GAA: variants seen among roughly 807,000 people sequenced by gnomAD.
The protein encoded by GAA is lysosomal alpha-glucosidase.
GAA carries 88 observed loss-of-function variants against 103.9 expected under a neutral mutation model. That is an observed-to-expected ratio of 0.85 (90% CI 0.71 to 1.01). GAA has a LOEUF of 1.01. GAA is among the 50% of genes least tolerant of loss of function. GAA has a pLI of 0.00. For missense variants in GAA, 1,350 were observed against 1,305.3 expected, an observed-to-expected ratio of 1.03 and a Z score of -0.53; for synonymous variants, 572 against 563.1, an observed-to-expected ratio of 1.02 and a Z score of -0.22.
At chr17:80,112,806 C>T in intron 13 of GAA, 70 bp from the exon 14 acceptor site, 2 of 1,578,596 alleles carry the variant, frequency 1.3e-6, no homozygotes, top group Non-Finnish European at 1.7e-6. Context: ...GCAGGTGGGG[C>T]TCTGGGTCAC....
At position 80,119,045 on chromosome 17, in the gene GAA, C is replaced by T. The variant is rs9890469; in HGVS notation, c.2800-227C>T. Among the ~76,000 whole-genome samples, 98,437 of 152,100 alleles carry T rather than the reference C, an allele frequency of 0.65. 32,879 individuals carry two copies. The highest frequency in any genetic ancestry group is 0.85 in the Middle Eastern group (249 of 294). ...TCTGAGCCGTGTTGAAGCAGCACCG[C>T]GTTTCTGGCGTGCGTTAAGGTGACC... On this transcript the variant is annotated intron_variant, in intron 19 of 19. Transcript: ENST00000302262.
In GAA at chr17:80,107,789, G is replaced by A; in HGVS notation, c.859-11G>A. ...CGCAGGTGCTGAAGCGCCGTCTCCT[G>A]CATGTCCCAGCCCGGTGCGAACCTC... On this transcript the variant is annotated splice_polypyrimidine_tract_variant and intron_variant, in intron 4 of 19. Coordinates refer to ENST00000302262, the MANE Select transcript of GAA (RefSeq NM_000152.5). 1 of 1,610,344 alleles carries A rather than the reference G, an allele frequency of 6.2e-7. No individual in the cohort carries two copies. The highest frequency in any genetic ancestry group is 1.1e-5 in the South Asian group (1 of 90,914).
At chr17:80,111,204 G>A (rs1002356312) in intron 11 of GAA, among the ~76,000 whole-genome samples, 179 bp downstream of exon 11, 6 of 152,224 alleles carry the variant, frequency 3.9e-5, no homozygotes, top group Non-Finnish European at 8.8e-5. Context: ...GTGCAGACAG[G>A]GTGGGTGCAG....
Position 80,118,696 on chromosome 17 carries a change from C to A in GAA, c.2690C>A (p.Ala897Asp). 1 of 1,613,046 alleles carries A rather than the reference C, an allele frequency of 6.2e-7. No homozygotes were observed. The highest frequency in any genetic ancestry group is 8.5e-7 in the Non-Finnish European group (1 of 1,179,986). Residue 897 changes from alanine (A) to aspartate (D), a missense_variant, in exon 19 of 20, where the codon GCT becomes GAT. Physicochemically the swap from Ala to Asp is moderately radical, Grantham distance 126. Transcript: ENST00000302262. ...NELVRVTSEG[A>D]GLQLQKVTVL... ...CTGGTACGTGTGACCAGTGAGGGAG[C>A]TGGCCTGCAGCTGCAGAAGGTGACT...
Position 80,107,727 on chromosome 17 carries a change from A to AGCAGTGG in GAA, c.858+7_858+8insAGTGGGC, listed in dbSNP as rs3071247. 74 of 1,610,754 alleles carry AGCAGTGG rather than the reference A, an allele frequency of 4.6e-5. No homozygotes were observed. Among genetic ancestry groups the AGCAGTGG allele is most frequent in the Non-Finnish European group, 5.6e-5 (66 of 1,178,770 alleles). ...AACCGGGACCTTGCGCCCACGGTAC[A>AGCAGTGG]GCGGCGGGCGGCGGGCGGGGGCACT... On this transcript the variant is annotated splice_donor_region_variant and intron_variant, in intron 4 of 19. Transcript: ENST00000302262.
chr17:80,110,830 G>C lies in GAA; in HGVS notation c.1541G>C (p.Gly514Ala). ...TTCCATGACCAGGTGCCCTTCGACG[G>C]CATGTGGATTGTAAGTGTGGCCCCC... Reference protein sequence around the residue: ...AEFHDQVPFDGMWIDMNEPSN... With the variant: ...AEFHDQVPFDAMWIDMNEPSN... The change falls in exon 10 of 20, where the codon GGC (glycine) becomes GCC (alanine). Residue 514 changes from glycine (G) to alanine (A), a missense_variant. Physicochemically the swap from Gly to Ala is moderately conservative, Grantham distance 60. Coordinates refer to ENST00000302262, the MANE Select transcript of GAA (RefSeq NM_000152.5). 1 of 1,614,106 alleles carries C rather than the reference G, an allele frequency of 6.2e-7. No homozygotes were observed. Among genetic ancestry groups the C allele is most frequent in the Non-Finnish European group, 8.5e-7 (1 of 1,180,018 alleles).
chr17:80,112,837 T>G, intron 13 of GAA, 39 bp from the exon 14 acceptor site: 1 of 1,595,284 alleles, frequency 6.3e-7, no homozygotes, highest in Non-Finnish European at 8.5e-7. Context: ...CTGGCTCTGC[T>G]GCAGCAGCCT....
rs537769117 is a variant in GAA at position 80,119,743 on chromosome 17, G to A, written c.*412G>A. 14 of 254,290 alleles carry A rather than the reference G, an allele frequency of 5.5e-5. No homozygotes were observed. Among genetic ancestry groups the A allele is most frequent in the South Asian group, 3.3e-4 (7 of 21,144 alleles). 15.8% of individuals were successfully genotyped at this position (254,290 alleles called of 1,614,324 possible). A position where few individuals can be genotyped will look rare whatever the true frequency, so the allele number is the denominator to read the frequency against. On this transcript the variant is annotated 3_prime_UTR_variant, in exon 20 of 20. Transcript: ENST00000302262. ...CGCGCCTGCTGCTCTGCCCCAACGC[G>A]ACCGCTGCCCGGCTGCCCAGAGGGC...
intron 5 of GAA, 78 bp downstream of exon 5, chr17:80,107,974 G>C (rs1020601610): frequency 2.2e-6 from 3 of 1,359,042 alleles, no homozygotes; most frequent in Non-Finnish European, 3.1e-6. Context: ...GTCCGCATGA[G>C]GGGCCCTGGG....
Position 80,115,221 on chromosome 17 carries a change from C to T in GAA, c.2190-1747C>T, listed in dbSNP as rs73438111. Among the ~76,000 whole-genome samples, 147 of 152,286 alleles carry T rather than the reference C, an allele frequency of 9.7e-4. 1 individual carries two copies. The highest frequency in any genetic ancestry group is 3.1e-3 in the African/African-American group (130 of 41,558). Reference sequence around the variant, plus strand: ...CCGTTCCACACATTGGTATGCTTGACGGTGCCCAGGGGTCTTTGCAGCTCT... The same window carrying T: ...CCGTTCCACACATTGGTATGCTTGATGGTGCCCAGGGGTCTTTGCAGCTCT... On this transcript the variant is annotated intron_variant, in intron 15 of 19. Coordinates refer to ENST00000302262, the MANE Select transcript of GAA (RefSeq NM_000152.5).
In GAA at chr17:80,110,037, C is replaced by G. The variant is rs2039194814; in HGVS notation, c.1419C>G (p.Gly473=). Residue 473 remains glycine, a synonymous_variant, in exon 9 of 20, where the codon GGC becomes GGG. Coordinates refer to ENST00000302262, the MANE Select transcript of GAA (RefSeq NM_000152.5). ...GGGTTTTCATCACCAACGAGACCGG[C>G]CAGCCGCTGATTGGGAAGGTAGGGC... ...RRGVFITNET[G]QPLIGKVWPG... is the part of the protein sequence containing the mutation. 6.2e-7 allele frequency: 1 copy of G among 1,613,084 alleles called. No individual in the cohort carries two copies. The highest frequency in any genetic ancestry group is 1.7e-5 in the Admixed American group (1 of 59,996).
In GAA at chr17:80,116,083, G is replaced by C. The variant is rs140782570; in HGVS notation, c.2190-885G>C. Among the ~76,000 whole-genome samples the C allele has an allele frequency of 4.1e-4, 63 of 152,326 alleles. No homozygotes were observed. In the East Asian group the frequency reaches 0.012, roughly 28 times the overall value. ...CTGTTTTCACAGAGGAGAGGATCTT[G>C]AGAGGGGCTTACTCCACCATCTTCA... On this transcript the variant is annotated intron_variant, in intron 15 of 19. Coordinates refer to ENST00000302262, the MANE Select transcript of GAA (RefSeq NM_000152.5).
At chr17:80,112,187 A>G in intron 12 of GAA, 87 bp downstream of exon 12, 2 of 1,365,508 alleles carry the variant, frequency 1.5e-6, no homozygotes, top group Non-Finnish European at 2.1e-6. Flanking sequence ...AGGGAGGAGG[A>G]AAAGCGGAGG....
At position 80,108,338 on chromosome 17, in the gene GAA, G is replaced by A. The variant is rs730880022; in HGVS notation, c.1004G>A (p.Gly335Glu). Residue 335 changes from glycine to glutamate, a missense_variant, in exon 6 of 20, where the codon GGG becomes GAG. Gly to Glu is a moderately conservative substitution (Grantham distance 98). Transcript: ENST00000302262. ...GCCCTTAGCTGGAGGTCGACAGGTG[G>A]GATCCTGGATGTCTACATCTTCCTG... The part of the protein sequence containing the change: ...SPALSWRSTG[G>E]ILDVYIFLGP... 1.2e-6 allele frequency: 2 copies of A among 1,613,732 alleles called. No homozygotes were observed. Among genetic ancestry groups the A allele is most frequent in the Non-Finnish European group, 1.7e-6 (2 of 1,180,038 alleles).
At position 80,107,668 on chromosome 17, in the gene GAA, G is replaced by T. The variant is rs1185610552; in HGVS notation, c.804G>T (p.Met268Ile). The change falls in exon 4 of 20, where the codon ATG becomes ATT. Residue 268 changes from methionine (M) to isoleucine (I), a missense_variant. Physicochemically the swap from Met to Ile is conservative, Grantham distance 10. Transcript: ENST00000302262. Reference sequence around the variant, plus strand: ...TCGCCGAGCACCTCAGTCCCCTGATGCTCAGCACCAGCTGGACCAGGATCA... The same window carrying T: ...TCGCCGAGCACCTCAGTCCCCTGATTCTCAGCACCAGCTGGACCAGGATCA... ...TGLAEHLSPL[M>I]LSTSWTRITL... The T allele has an allele frequency of 6.2e-7, 1 of 1,613,052 alleles. No homozygotes were observed. The highest frequency in any genetic ancestry group is 8.5e-7 in the Non-Finnish European group (1 of 1,179,890).
intron 9 of GAA, 42 bp downstream of exon 9, chr17:80,110,097 C>T: frequency 6.6e-7 from 1 of 1,520,072 alleles, no homozygotes; most frequent in Non-Finnish European, 9.1e-7. Flanking sequence ...AAAGCAGAGG[C>T]CTCCAGCCAG....
intron 3 of GAA, among the ~76,000 whole-genome samples, chr17:80,106,208 G>A (rs1052604642): frequency 7.9e-5 from 12 of 152,180 alleles, no homozygotes; most frequent in South Asian, 2.1e-4. Context: ...TCGGAAATGC[G>A]TTTTTCTTTT....
chr17:80,112,958 G>A lies in GAA; in HGVS notation c.1971G>A (p.Leu657=). The change falls in exon 14 of 20, where the codon CTG becomes CTA. Residue 657 remains leucine, a synonymous_variant. Transcript: ENST00000302262. ...CGFLGNTSEE[L]CVRWTQLGAF... The stretch of plus-strand genomic sequence containing the variant: ...TCCTGGGCAACACCTCAGAGGAGCT[G>A]TGTGTGCGCTGGACCCAGCTGGGGG... 1.2e-6 allele frequency: 2 copies of A among 1,610,620 alleles called. No individual in the cohort carries two copies. The highest frequency in any genetic ancestry group is 1.7e-6 in the Non-Finnish European group (2 of 1,179,048).
chr17:80,108,654 G>C lies in GAA; in HGVS notation c.1195-43G>C. ...GGAGGCAAGGGGCTGGCCGGGACGC[G>C]TCTCCTCAGGCCCCAGCAGACGGTC... On this transcript the variant is annotated intron_variant, in intron 7 of 19. Transcript: ENST00000302262. 3 of 1,612,572 alleles carry C rather than the reference G, an allele frequency of 1.9e-6. No individual in the cohort carries two copies. In the South Asian group the frequency reaches 3.3e-5, roughly 18 times the overall value.
Sources: gnomAD v4.1 joint callset for allele counts (sites outside exome capture counted in the v4.1 genomes callset) on GRCh38, gnomAD v4.1.1 for gene constraint, MANE v1.5 for transcripts, NCBI Gene and HGNC (gene_info 2026-07-23, HGNC 2026-07-21) for gene names.